NXPE2: variants seen among roughly 807,000 people sequenced by gnomAD.
NXPE2 encodes the protein neurexophilin and PC-esterase domain family member 2, also known as NXPE family member 2.
Under a neutral mutation model 34.4 loss-of-function variants are expected in NXPE2, and 34 were observed. The observed-to-expected ratio is 0.99, with a 90% confidence interval of 0.75 to 1.31. NXPE2 has a LOEUF of 1.31. Among genes scored for constraint, NXPE2 ranks in the 40% most tolerant of loss-of-function variants. NXPE2 has a pLI of 0.00. For missense variants in NXPE2, 649 were observed against 672.5 expected (o/e 0.97, Z 0.39); for synonymous variants, 235 against 231.3 (o/e 1.02, Z -0.15).
the NXPE2 span, among the ~76,000 whole-genome samples, chr11:114,743,402 T>A: frequency 2.6e-5 from 4 of 151,894 alleles, no homozygotes; most frequent in Admixed American, 6.6e-5. Flanking sequence ...TTAATATTGC[T>A]TTTTATATAA....
At chr11:114,591,677 C>T in the NXPE2 span, among the ~76,000 whole-genome samples, 4 of 152,128 alleles carry the variant, frequency 2.6e-5, no homozygotes, top group African/African-American at 9.7e-5. Flanking sequence ...TTCCAGCCTC[C>T]AGCCAATGGA....
At chr11:114,717,435 A>G in the NXPE2 span, among the ~76,000 whole-genome samples, 1 of 152,168 alleles carries the variant, frequency 6.6e-6, no homozygotes, top group Non-Finnish European at 1.5e-5. Flanking sequence ...TAGATGATAC[A>G]AGTCGTCTCC....
chr11:114,485,272 G>A, the NXPE2 span, among the ~76,000 whole-genome samples: 13 of 151,632 alleles, frequency 8.6e-5, no homozygotes, highest in African/African-American at 3.1e-4. Context: ...GTAGTGGCAC[G>A]ATCTTGGCTC....
chr11:114,644,013 C>G, the NXPE2 span, among the ~76,000 whole-genome samples: 1 of 151,994 alleles, frequency 6.6e-6, no homozygotes, highest in Admixed American at 6.6e-5. Context: ...GCATTTTATT[C>G]TCTTTGCAGC....
At chr11:114,805,807 C>A in the NXPE2 span, among the ~76,000 whole-genome samples, 12 of 152,238 alleles carry the variant, frequency 7.9e-5, no homozygotes, top group Admixed American at 6.5e-4. Context: ...GTAACCTCTG[C>A]AGACTTAAAT....
the NXPE2 span, among the ~76,000 whole-genome samples, chr11:114,538,816 A>T: frequency 6.6e-6 from 1 of 152,158 alleles, no homozygotes; most frequent in Non-Finnish European, 1.5e-5. Flanking sequence ...AGAAATAGGA[A>T]CACTTTTACA....
the NXPE2 span, among the ~76,000 whole-genome samples, chr11:114,492,782 G>A: frequency 5.3e-5 from 8 of 151,974 alleles, no homozygotes; most frequent in South Asian, 1.2e-3. Flanking sequence ...CTCGTGATCC[G>A]CCTGCCTTGG....
chr11:114,711,018 A>C (rs1859601443), downstream of NXPE2, among the ~76,000 whole-genome samples: 1 of 152,204 alleles, frequency 6.6e-6, no homozygotes, highest in Non-Finnish European at 1.5e-5. Flanking sequence ...TTGATGCAGA[A>C]AAAGCATTTG....
the NXPE2 span, among the ~76,000 whole-genome samples, chr11:114,540,651 A>G: frequency 0.16 from 24,835 of 151,848 alleles, 2,281 homozygotes; most frequent in South Asian, 0.23. Flanking sequence ...GCAATGTTCA[A>G]CTCTGAACGA....
chr11:114,601,951 TATA>T, the NXPE2 span, among the ~76,000 whole-genome samples: 96 of 82,412 alleles, frequency 1.2e-3, no homozygotes, highest in African/African-American at 4.4e-3. Flanking sequence ...TATAATTATA[TATA>T]ATATTATATA....
At chr11:114,761,145 A>C in the NXPE2 span, among the ~76,000 whole-genome samples, 1 of 152,226 alleles carries the variant, frequency 6.6e-6, no homozygotes, top group Non-Finnish European at 1.5e-5. Context: ...CTTTATTATC[A>C]CAGAAGTCCT....
At chr11:114,801,257 G>C in the NXPE2 span, among the ~76,000 whole-genome samples, 1 of 152,134 alleles carries the variant, frequency 6.6e-6, no homozygotes, top group Non-Finnish European at 1.5e-5. Flanking sequence ...AAGAATCAGA[G>C]ATAACTTAGA....
At chr11:114,600,454 A>T in the NXPE2 span, among the ~76,000 whole-genome samples, 3 of 152,178 alleles carry the variant, frequency 2.0e-5, no homozygotes, top group African/African-American at 7.2e-5. Context: ...CAAATGCTGT[A>T]CTGAGAAGGG....
At chr11:114,589,191 G>C in the NXPE2 span, among the ~76,000 whole-genome samples, 1 of 152,164 alleles carries the variant, frequency 6.6e-6, no homozygotes, top group South Asian at 2.1e-4. Flanking sequence ...CTGGTGATCA[G>C]ACTGCCCCCA....
At chr11:114,799,410 TTCATCAAATATA>T in the NXPE2 span, among the ~76,000 whole-genome samples, 1 of 152,080 alleles carries the variant, frequency 6.6e-6, no homozygotes, top group Non-Finnish European at 1.5e-5. Flanking sequence ...AAATAAGAGT[TTCATCAAATATA>T]TCAGAGAATG....
chr11:114,727,774 A>AACACACACACACAC, the NXPE2 span, among the ~76,000 whole-genome samples: 649 of 127,612 alleles, frequency 5.1e-3, 3 homozygotes, highest in East Asian at 8.9e-3. Flanking sequence ...ATGTGTACAC[A>AACACACACACACAC]ACACACACAC....
chr11:114,571,818 G>C, the NXPE2 span, among the ~76,000 whole-genome samples: 1 of 152,166 alleles, frequency 6.6e-6, no homozygotes, highest in East Asian at 1.9e-4. Flanking sequence ...TGAAGGAACA[G>C]GATCACCACT....
chr11:114,641,732 C>A, the NXPE2 span, among the ~76,000 whole-genome samples: 2 of 152,126 alleles, frequency 1.3e-5, 1 homozygote, highest in Admixed American at 1.3e-4. Context: ...TTAGAGCACA[C>A]TGAAAGTGGG....
the NXPE2 span, among the ~76,000 whole-genome samples, chr11:114,572,606 GA>G: frequency 6.6e-6 from 1 of 151,990 alleles, no homozygotes; most frequent in South Asian, 2.1e-4. Context: ...TGAACAAGCA[GA>G]AAAAAGAACC....
Sources: gnomAD v4.1 joint callset for allele counts (sites outside exome capture counted in the v4.1 genomes callset) on GRCh38, gnomAD v4.1.1 for gene constraint, MANE v1.5 for transcripts, NCBI Gene and HGNC (gene_info 2026-07-23, HGNC 2026-07-21) for gene names.